COL4A4: variants seen among roughly 807,000 people sequenced by gnomAD.
COL4A4 encodes the protein collagen alpha-4(IV) chain.
COL4A4 carries 105 observed loss-of-function variants against 192.9 expected under a neutral mutation model. The ratio of observed to expected loss-of-function variants is 0.54; its 90% CI spans 0.46 to 0.64. COL4A4 has a LOEUF of 0.64. Among genes scored for constraint, COL4A4 ranks in the 30% least tolerant of loss-of-function variants. The probability of loss-of-function intolerance (pLI) is 0.00; values close to 1 mark genes in which losing one functional copy is unlikely to be tolerated. For missense variants in COL4A4, 1,967 were observed against 2,169.3 expected (o/e 0.91, Z 1.85); for synonymous variants, 762 against 769.9 (o/e 0.99, Z 0.17).
intron 2 of COL4A4, among the ~76,000 whole-genome samples, chr2:227,146,407 C>T (rs566584576): frequency 9.9e-5 from 15 of 152,160 alleles, no homozygotes; most frequent in Non-Finnish European, 8.8e-5. Context: ...TTTCACTCCC[C>T]GTAATTTCTT....
chr2:227,095,289 C>A (rs1376938799), intron 19 of COL4A4, among the ~76,000 whole-genome samples: 3 of 152,090 alleles, frequency 2.0e-5, no homozygotes, highest in Non-Finnish European at 2.9e-5. Flanking sequence ...AAATATTGTA[C>A]CTATCACAGC....
intron 9 of COL4A4, among the ~76,000 whole-genome samples, chr2:227,111,428 G>A (rs1317415027): frequency 6.6e-6 from 1 of 152,172 alleles, no homozygotes; most frequent in Non-Finnish European, 1.5e-5. Flanking sequence ...AGGAAGGCAG[G>A]AGGGAGCTTG....
At chr2:227,096,167 C>A (rs1055548270) in intron 19 of COL4A4, among the ~76,000 whole-genome samples, 8 of 152,124 alleles carry the variant, frequency 5.3e-5, no homozygotes, top group Admixed American at 2.0e-4. Flanking sequence ...ACACTTGAGA[C>A]TGAAATTCTG....
At chr2:227,041,846 A>AAGAAAGAGAG (rs1559478097) in intron 37 of COL4A4, among the ~76,000 whole-genome samples, 8 of 39,300 alleles carry the variant, frequency 2.0e-4, no homozygotes, top group South Asian at 1.0e-3. Flanking sequence ...GAAAGAAAGA[A>AAGAAAGAGAG]AGAGAAAGAA....
Position 227,027,934 on chromosome 2 carries a change from G to A in COL4A4, c.4049C>T (p.Pro1350Leu), listed in dbSNP as rs771916354. ...GPPGEKGLPGPPGRKGPTGLP... is the reference protein window; with the variant it reads ...GPPGEKGLPGLPGRKGPTGLP... ...ACCAGTGGGCCCTTTTCTCCCTGGA[G>A]GTCCAGGTAAACCCTTCTCTCCAGG... Residue 1350 changes from proline (P) to leucine (L), a missense_variant, in exon 42 of 48, where the codon CCT (proline) becomes CTT (leucine). Physicochemically the swap from Pro to Leu is moderately conservative, Grantham distance 98. Coordinates refer to ENST00000396625, the MANE Select transcript of COL4A4 (RefSeq NM_000092.5). 3 of 1,613,830 alleles carry A rather than the reference G, an allele frequency of 1.9e-6. No homozygotes were observed. Among genetic ancestry groups the A allele is most frequent in the Non-Finnish European group, 2.5e-6 (3 of 1,179,890 alleles).
At chr2:227,018,291 T>C (rs1575781632) in intron 44 of COL4A4, among the ~76,000 whole-genome samples, 1 of 152,168 alleles carries the variant, frequency 6.6e-6, no homozygotes, top group South Asian at 2.1e-4. Flanking sequence ...GAGTGGTGTA[T>C]ATGGCCCCTC....
At chr2:227,157,364 T>G (rs1350030102) in intron 1 of COL4A4, among the ~76,000 whole-genome samples, 1 of 152,014 alleles carries the variant, frequency 6.6e-6, no homozygotes. Context: ...AAGAATCAAT[T>G]ACCTAAGCTT....
At chr2:227,120,570 G>A (rs1281263693) in intron 5 of COL4A4, among the ~76,000 whole-genome samples, 1 of 152,070 alleles carries the variant, frequency 6.6e-6, no homozygotes, top group African/African-American at 2.4e-5. Flanking sequence ...CCAAAAATGA[G>A]GATGAATTAT....
intron 14 of COL4A4, 46 bp downstream of exon 14, chr2:227,103,098 A>C (rs1332510301): frequency 1.3e-6 from 2 of 1,485,944 alleles, no homozygotes; most frequent in African/African-American, 3.0e-5. Context: ...AAGTTAAGAT[A>C]GTACATCACA....
At chr2:227,126,025 G>C (rs772369438) in intron 4 of COL4A4, among the ~76,000 whole-genome samples, 1 of 152,060 alleles carries the variant, frequency 6.6e-6, no homozygotes, top group Non-Finnish European at 1.5e-5. Flanking sequence ...CCATATCCCT[G>C]GCTCCCGTTC....
chr2:227,129,263 G>T (rs1406833407), intron 4 of COL4A4, among the ~76,000 whole-genome samples: 1 of 152,006 alleles, frequency 6.6e-6, no homozygotes. Context: ...CCATTTAACT[G>T]CAGTCCTCAT....
intron 4 of COL4A4, among the ~76,000 whole-genome samples, chr2:227,132,646 T>G (rs146684905): frequency 0.016 from 2,484 of 152,038 alleles, 62 homozygotes; most frequent in African/African-American, 0.056. Context: ...CATGGTGGTG[T>G]GTGCCTGTAA....
the COL4A4 span, among the ~76,000 whole-genome samples, chr2:226,982,882 G>A: frequency 6.6e-6 from 1 of 152,200 alleles, no homozygotes; most frequent in African/African-American, 2.4e-5. Flanking sequence ...CTACTCCAGT[G>A]TCATCACAAA....
chr2:227,098,565 C>T, intron 19 of COL4A4, 129 bp downstream of exon 19: 1 of 719,132 alleles, frequency 1.4e-6, no homozygotes, highest in South Asian at 1.7e-5. Context: ...GGGGTGTGCA[C>T]AGGCATCGGT....
downstream of COL4A4, among the ~76,000 whole-genome samples, chr2:227,001,581 A>G (rs142834329): frequency 2.1e-3 from 315 of 152,304 alleles, 3 homozygotes; most frequent in African/African-American, 7.3e-3. Context: ...GAATGGGGAA[A>G]GCCGCTGGGA....
intron 25 of COL4A4, among the ~76,000 whole-genome samples, chr2:227,073,339 C>T (rs1442868013): frequency 6.6e-6 from 1 of 151,824 alleles, no homozygotes; most frequent in African/African-American, 2.4e-5. Context: ...ATATACTTAA[C>T]CAAGGAGGTG....
rs980604745 is a variant in COL4A4 at position 227,009,912 on chromosome 2, C to T, written c.4522+401G>A. On this transcript the variant is annotated intron_variant, in intron 46 of 47. Coordinates refer to ENST00000396625, the MANE Select transcript of COL4A4 (RefSeq NM_000092.5). ...GCAAGTGCCGTAACACAACCATCAG[C>T]GTGCTGTGGCTGCACCATTTTACAT... 2.6e-5 allele frequency among the ~76,000 whole-genome samples: 4 copies of T among 152,220 alleles called. No individual in the cohort carries two copies. In the East Asian group the frequency reaches 5.8e-4, roughly 22 times the overall value.
chr2:227,012,345 G>A (rs911721547), intron 44 of COL4A4, 48 bp from the exon 45 acceptor site: 8 of 1,449,768 alleles, frequency 5.5e-6, no homozygotes, highest in Non-Finnish European at 7.8e-6. Flanking sequence ...CATGACACCT[G>A]CTAGCATTTA....
chr2:227,049,931 C>G (rs1197657393), intron 34 of COL4A4, 137 bp downstream of exon 34: 1 of 782,800 alleles, frequency 1.3e-6, no homozygotes, highest in Admixed American at 1.9e-5. Context: ...GAGTGTTTGA[C>G]TGTCTAACAA....
Sources: allele counts gnomAD v4.1 joint callset (sites outside exome capture counted in the v4.1 genomes callset), GRCh38; gene constraint gnomAD v4.1.1; transcripts MANE v1.5; gene names NCBI Gene and HGNC (gene_info 2026-07-23, HGNC 2026-07-21).